The following EIF3E variants were observed in gnomAD, a reference collection of about 807,000 sequenced individuals.
EIF3E encodes the protein eukaryotic translation initiation factor 3 subunit E, also known as eIF-3 p48.
In EIF3E, 25 loss-of-function variants were observed where a neutral mutation model predicts 59.3. That is an observed-to-expected ratio of 0.42 (90% confidence interval 0.31 to 0.59). The LOEUF (loss-of-function observed/expected upper bound fraction) is 0.59, where lower values mean the gene tolerates loss of function less well. Ranked by LOEUF, EIF3E falls within the 20% of genes least tolerant of loss-of-function variation. The probability of loss-of-function intolerance (pLI) is 0.15; values close to 1 mark genes in which losing one functional copy is unlikely to be tolerated. For missense variants in EIF3E, 317 were observed against 534.3 expected, an observed-to-expected ratio of 0.59 and a Z score of 4.01; for synonymous variants, 176 against 170.2, an observed-to-expected ratio of 1.03 and a Z score of -0.26.
chr8:108,203,461 T>C lies in EIF3E; in HGVS notation c.1104A>G (p.Glu368=). The change falls in exon 11 of 13, where the codon GAA becomes GAG. Residue 368 remains glutamate, a synonymous_variant. Coordinates refer to ENST00000220849, the MANE Select transcript of EIF3E (RefSeq NM_001568.3). ...DKLNMTPEEA[E]RWIVNLIRNA... ...TTCTAATCAAATTTACAATCCACCTTTCAGCTTCTTCTGGAGTCATGTTCA... is the reference window on the plus strand; with the variant it reads ...TTCTAATCAAATTTACAATCCACCTCTCAGCTTCTTCTGGAGTCATGTTCA... The C allele has an allele frequency of 6.2e-7, 1 of 1,612,830 alleles. No homozygotes were observed. Among genetic ancestry groups the C allele is most frequent in the Non-Finnish European group, 8.5e-7 (1 of 1,179,118 alleles).
At chr8:108,214,784 CTT>C in intron 9 of EIF3E, 68 bp from the exon 10 acceptor site, 1 of 1,295,064 alleles carries the variant, frequency 7.7e-7, no homozygotes, top group South Asian at 1.3e-5. Context: ...GAATCAAATA[CTT>C]TATCTGCTTT....
intron 5 of EIF3E, 154 bp from the exon 6 acceptor site, chr8:108,229,349 G>T: frequency 1.5e-6 from 1 of 672,958 alleles, no homozygotes; most frequent in Non-Finnish European, 2.2e-6. Context: ...GATCACACTG[G>T]TTTGTTTCAA....
At chr8:108,234,792 C>T in intron 5 of EIF3E, 1 of 353,414 alleles carries the variant, frequency 2.8e-6, no homozygotes, top group Admixed American at 4.6e-5. Context: ...CAAGTTAAAT[C>T]ACCCTCCAAA....
At chr8:108,214,781 A>G in intron 9 of EIF3E, 65 bp from the exon 10 acceptor site, 1 of 1,344,368 alleles carries the variant, frequency 7.4e-7, no homozygotes, top group Non-Finnish European at 1.0e-6. Context: ...CGTGAATCAA[A>G]TACTTTATCT....
chr8:108,204,874 A>G (rs1815070768), intron 10 of EIF3E, among the ~76,000 whole-genome samples: 1 of 151,770 alleles, frequency 6.6e-6, no homozygotes, highest in Non-Finnish European at 1.5e-5. Flanking sequence ...ATACTCTTTG[A>G]TATCAACCAA....
At chr8:108,243,638 GAAAAAAAAA>G (rs779684560) in intron 1 of EIF3E, among the ~76,000 whole-genome samples, 1 of 70,978 alleles carries the variant, frequency 1.4e-5, no homozygotes, top group African/African-American at 4.7e-5. Context: ...CAAAAAAAAA[GAAAAAAAAA>G]AAAAAAAAAA....
At chr8:108,238,979 G>T (rs965158172) in intron 3 of EIF3E, among the ~76,000 whole-genome samples, 3 of 152,018 alleles carry the variant, frequency 2.0e-5, no homozygotes, top group African/African-American at 7.2e-5. Flanking sequence ...TGTTTTCTTT[G>T]GAAACGAAAC....
intron 6 of EIF3E, among the ~76,000 whole-genome samples, chr8:108,228,776 G>C (rs1000692389): frequency 3.9e-5 from 6 of 151,974 alleles, no homozygotes; most frequent in African/African-American, 1.5e-4. Context: ...TCAATAATAG[G>C]TGGCACTAAC....
At chr8:108,222,739 C>G (rs185920860) in intron 7 of EIF3E, among the ~76,000 whole-genome samples, 2 of 151,260 alleles carry the variant, frequency 1.3e-5, no homozygotes, top group Non-Finnish European at 2.9e-5. Context: ...TAGACATGCT[C>G]TTGTATTACT....
chr8:108,245,933 C>T (rs1443351174), intron 1 of EIF3E, among the ~76,000 whole-genome samples: 3 of 152,140 alleles, frequency 2.0e-5, no homozygotes, highest in Non-Finnish European at 2.9e-5. Flanking sequence ...GCTAAATGTT[C>T]CAAGACCCCC....
chr8:108,209,098 TAG>T (rs1815159806), intron 10 of EIF3E, among the ~76,000 whole-genome samples: 1 of 151,634 alleles, frequency 6.6e-6, no homozygotes, highest in South Asian at 2.1e-4. Flanking sequence ...AAATTACAAA[TAG>T]AGTTATTTAA....
At chr8:108,214,377 C>A (rs745351096) in intron 10 of EIF3E, among the ~76,000 whole-genome samples, 2 of 152,064 alleles carry the variant, frequency 1.3e-5, no homozygotes, top group African/African-American at 4.8e-5. Flanking sequence ...TCATATATTG[C>A]CTTCAACTTA....
At chr8:108,225,773 A>G (rs1006822257) in intron 7 of EIF3E, among the ~76,000 whole-genome samples, 1 of 151,518 alleles carries the variant, frequency 6.6e-6, no homozygotes, top group African/African-American at 2.5e-5. Context: ...AGCACATCAC[A>G]ACAGACTGCA....
chr8:108,203,212 TGCACTGTATAGAGATGACAATA>T (rs72205512), intron 11 of EIF3E, 95 bp from the exon 12 acceptor site: 301,767 of 1,467,440 alleles, frequency 0.21, 32,622 homozygotes, highest in East Asian at 0.36. Flanking sequence ...CATATTTTAA[TGCACTGTATAGAGATGACAATA>T]TTTACCAAGG....
At position 108,236,185 on chromosome 8, in the gene EIF3E, A is replaced by T; in HGVS notation, c.342T>A (p.Phe114Leu). 1 of 1,610,710 alleles carries T rather than the reference A, an allele frequency of 6.2e-7. No homozygotes were observed. The highest frequency in any genetic ancestry group is 1.1e-5 in the South Asian group (1 of 90,146). Reference sequence around the variant, plus strand: ...CACCATGCTTGTCCGCCAGGTAGTCAAAGAGCATCCTACCATCCCTAAATA... The same window carrying T: ...CACCATGCTTGTCCGCCAGGTAGTCTAAGAGCATCCTACCATCCCTAAATA... ...MQSTRDGRMLFDYLADKHGFR... is the reference protein window; with the variant it reads ...MQSTRDGRMLLDYLADKHGFR... Residue 114 changes from phenylalanine (F) to leucine (L), a missense_variant, in exon 4 of 13, where the codon TTT (phenylalanine) becomes TTA (leucine). Phe to Leu is a conservative substitution (Grantham distance 22, BLOSUM62 0). This residue lies in a region of EIF3E where 242 missense variants were observed against 398.0 expected (regional missense o/e 0.61). Transcript: ENST00000220849.
At chr8:108,226,621 T>C (rs375518855) in intron 7 of EIF3E, among the ~76,000 whole-genome samples, 5 of 152,344 alleles carry the variant, frequency 3.3e-5, no homozygotes, top group African/African-American at 1.2e-4. Flanking sequence ...AAATATCCAA[T>C]GGCTTTTCAG....
At chr8:108,216,605 CTTT>C (rs1815310532) in intron 8 of EIF3E, 92 bp from the exon 9 acceptor site, 1 of 874,270 alleles carries the variant, frequency 1.1e-6, no homozygotes, top group Non-Finnish European at 1.8e-6. Context: ...TTTTCTCCTT[CTTT>C]ACCATTAATT....
intron 10 of EIF3E, among the ~76,000 whole-genome samples, chr8:108,212,119 T>C (rs1454883121): frequency 1.1e-4 from 16 of 152,244 alleles, no homozygotes; most frequent in Admixed American, 1.0e-3. Flanking sequence ...GCAGTTGTTC[T>C]GAGTCAGTGT....
At chr8:108,215,942 G>GT (rs1815293632) in intron 9 of EIF3E, among the ~76,000 whole-genome samples, 3 of 152,028 alleles carry the variant, frequency 2.0e-5, no homozygotes, top group Non-Finnish European at 4.4e-5. Context: ...TGAATTGCCT[G>GT]GTTTATCACA....
Sources: allele counts gnomAD v4.1 joint callset (sites outside exome capture counted in the v4.1 genomes callset), GRCh38; gene constraint gnomAD v4.1.1; regional missense constraint gnomAD v4.1.1; transcripts MANE v1.5; gene names NCBI Gene and HGNC (gene_info 2026-07-23, HGNC 2026-07-21).